The following FHL5 variants were observed in gnomAD, a reference collection of about 807,000 sequenced individuals.
FHL5 encodes four and a half LIM domains protein 5.
Under a neutral mutation model 32.0 loss-of-function variants are expected in FHL5, and 33 were observed. The ratio of observed to expected loss-of-function variants is 1.03; its 90% CI spans 0.78 to 1.38. FHL5 has a LOEUF of 1.38. Ranked by LOEUF, FHL5 falls within the 40% of genes most tolerant of loss-of-function variation. The pLI is 0.00. For missense variants in FHL5, 336 were observed against 343.9 expected (o/e 0.98, Z 0.18); for synonymous variants, 114 against 113.6 (o/e 1.00, Z -0.02).
At chr6:96,612,969 G>A (rs1771443036) in intron 5 of FHL5, among the ~76,000 whole-genome samples, 1 of 151,990 alleles carries the variant, frequency 6.6e-6, no homozygotes, top group African/African-American at 2.4e-5. Flanking sequence ...TTAAAAGCTA[G>A]GTATTCTTGG....
chr6:96,594,247 A>T (rs1235969960), intron 1 of FHL5, among the ~76,000 whole-genome samples: 1 of 112,018 alleles, frequency 8.9e-6, no homozygotes, highest in Non-Finnish European at 2.0e-5. Flanking sequence ...ATATATATAT[A>T]TATATATATA....
At chr6:96,565,581 G>T (rs966632729) in intron 1 of FHL5, among the ~76,000 whole-genome samples, 5 of 152,040 alleles carry the variant, frequency 3.3e-5, no homozygotes, top group Admixed American at 6.6e-5. Context: ...TTTGCCAAAG[G>T]AATACTCACC....
Position 96,615,827 on chromosome 6 carries a change from G to C in FHL5, c.*55G>C, listed in dbSNP as rs1271716773. On this transcript the variant is annotated 3_prime_UTR_variant, in exon 6 of 6. Transcript: ENST00000450218. The stretch of plus-strand genomic sequence containing the variant: ...TTTGCCTTCGTTGTCACTAAAGCCA[G>C]AACTCAGTTGCGGTCTTATTTTTGA... 2.1e-6 allele frequency: 3 copies of C among 1,409,684 alleles called. No homozygotes were observed. Among genetic ancestry groups the C allele is most frequent in the Non-Finnish European group, 9.6e-7 (1 of 1,041,918 alleles). 87.3% of individuals were successfully genotyped at this position (1,409,684 alleles called of 1,614,324 possible).
chr6:96,609,308 C>T (rs1034647720), intron 4 of FHL5, among the ~76,000 whole-genome samples: 6 of 152,130 alleles, frequency 3.9e-5, no homozygotes, highest in Admixed American at 2.0e-4. Flanking sequence ...TAGGAACCAC[C>T]TCAGATACCC....
At chr6:96,580,947 A>G (rs1770684452) in intron 1 of FHL5, among the ~76,000 whole-genome samples, 1 of 152,188 alleles carries the variant, frequency 6.6e-6, no homozygotes, top group South Asian at 2.1e-4. Context: ...ACAGCTTCCA[A>G]TACTATCCAT....
chr6:96,603,209 C>T (rs1771193629), intron 1 of FHL5, among the ~76,000 whole-genome samples: 1 of 152,130 alleles, frequency 6.6e-6, no homozygotes, highest in Non-Finnish European at 1.5e-5. Flanking sequence ...TAGAATTTTC[C>T]AGCAAGAAAG....
At chr6:96,594,211 C>A (rs1770980350) in intron 1 of FHL5, among the ~76,000 whole-genome samples, 1 of 118,206 alleles carries the variant, frequency 8.5e-6, no homozygotes. Flanking sequence ...GAAAAGGATC[C>A]AATAAATATT....
intron 3 of FHL5, among the ~76,000 whole-genome samples, chr6:96,605,464 T>C (rs1771256320): frequency 6.6e-6 from 1 of 152,238 alleles, no homozygotes; most frequent in Non-Finnish European, 1.5e-5. Flanking sequence ...TCTGCCACTC[T>C]TGCTCTCTCA....
At chr6:96,607,866 C>T (rs1280830657) in intron 4 of FHL5, among the ~76,000 whole-genome samples, 2 of 151,918 alleles carry the variant, frequency 1.3e-5, no homozygotes, top group African/African-American at 4.8e-5. Context: ...GTGACACGTG[C>T]CTGTAGTCCC....
At chr6:96,602,965 T>A (rs1333742223) in intron 1 of FHL5, among the ~76,000 whole-genome samples, 2 of 152,110 alleles carry the variant, frequency 1.3e-5, no homozygotes, top group African/African-American at 4.8e-5. Flanking sequence ...AATGAAGATA[T>A]CTAAAGCTAG....
Position 96,603,612 on chromosome 6 carries a change from A to G in FHL5, c.-2A>G. The G allele has an allele frequency of 1.2e-6, 2 of 1,609,160 alleles. No individual in the cohort carries two copies. The highest frequency in any genetic ancestry group is 4.5e-5 in the East Asian group (2 of 44,674). ...CTTTGTCATTCATAGGATCAAACCA[A>G]AATGACAACTGCTCACTTTTACTGT... On this transcript the variant is annotated 5_prime_UTR_variant, in exon 2 of 6. Coordinates refer to ENST00000450218, the MANE Select transcript of FHL5 (RefSeq NM_001322466.2).
Position 96,596,908 on chromosome 6 carries a change from G to A in FHL5, c.-12-6694G>A, listed in dbSNP as rs17056746. On this transcript the variant is annotated intron_variant, in intron 1 of 5. Coordinates refer to ENST00000450218, the MANE Select transcript of FHL5 (RefSeq NM_001322466.2). ...TGGCATACTAATTCTACCAGGAACC[G>A]TATATGAAATTTCAGAATGACTCTC... Among the ~76,000 whole-genome samples, 1,401 of 152,038 alleles carry A rather than the reference G, an allele frequency of 9.2e-3. 21 individuals carry two copies. The highest frequency in any genetic ancestry group is 0.032 in the African/African-American group (1,336 of 41,490).
In FHL5 at chr6:96,604,878, C is replaced by T. The variant is rs2064947; in HGVS notation, c.288C>T (p.Asn96=). The T allele has an allele frequency of 0.18, 289,341 of 1,612,332 alleles. 26,935 individuals carry two copies. Among genetic ancestry groups the T allele is most frequent in the Middle Eastern group, 0.22 (1,361 of 6,056 alleles). Residue 96 remains asparagine, a synonymous_variant, in exon 3 of 6, where the codon AAC becomes AAT. Coordinates refer to ENST00000450218, the MANE Select transcript of FHL5 (RefSeq NM_001322466.2). ...TGCTGTGCACGGAGTGCTATTCTAA[C>T]GAGTGCTCCTCCAAGTGCTTCCACT... ...ERLLCTECYS[N]ECSSKCFHCK...
chr6:96,596,401 A>C (rs1771034907), intron 1 of FHL5, among the ~76,000 whole-genome samples: 1 of 152,084 alleles, frequency 6.6e-6, no homozygotes, highest in South Asian at 2.1e-4. Flanking sequence ...TTAACTCTGA[A>C]ATCTGACATC....
At chr6:96,608,616 G>C (rs1771333837) in intron 4 of FHL5, among the ~76,000 whole-genome samples, 1 of 152,160 alleles carries the variant, frequency 6.6e-6, no homozygotes, top group Non-Finnish European at 1.5e-5. Context: ...TAAACTACAA[G>C]TGCTTCAAAT....
chr6:96,592,226 A>C lies in FHL5; in HGVS notation c.-12-11376A>C, dbSNP rs1196718002. Among the ~76,000 whole-genome samples, 13 of 152,258 alleles carry C rather than the reference A, an allele frequency of 8.5e-5. No homozygotes were observed. The East Asian group carries it at 2.5e-3, about 30-fold the overall frequency. On this transcript the variant is annotated intron_variant, in intron 1 of 5. Transcript: ENST00000450218. Reference sequence around the variant, plus strand: ...TCATCCCTACAGTCTTGACCATAGAAGATGGCCACACCCAAGGGGGCCATT... The same window carrying C: ...TCATCCCTACAGTCTTGACCATAGACGATGGCCACACCCAAGGGGGCCATT...
At chr6:96,613,570 G>T (rs763188153) in intron 5 of FHL5, among the ~76,000 whole-genome samples, 14 of 152,192 alleles carry the variant, frequency 9.2e-5, no homozygotes, top group Non-Finnish European at 1.8e-4. Context: ...GAGCAGGTTG[G>T]CTTTCTTCCA....
Position 96,599,186 on chromosome 6 carries a change from T to TA in FHL5, c.-12-4415dup, listed in dbSNP as rs1235980957. 6.0e-5 allele frequency among the ~76,000 whole-genome samples: 9 copies of TA among 149,186 alleles called. No homozygotes were observed. In the East Asian group the frequency reaches 8.0e-4, roughly 13 times the overall value. On this transcript the variant is annotated intron_variant, in intron 1 of 5. Coordinates refer to ENST00000450218, the MANE Select transcript of FHL5 (RefSeq NM_001322466.2). Reference sequence around the variant, plus strand: ...CTACAGAAACTATTACCAGTGAACTTACATCTTTTTTTTTTTTTTTTTTTT... The same window carrying TA: ...CTACAGAAACTATTACCAGTGAACTTAACATCTTTTTTTTTTTTTTTTTTTT...
intron 4 of FHL5, among the ~76,000 whole-genome samples, chr6:96,609,900 G>T (rs2127974775): frequency 6.6e-6 from 1 of 152,306 alleles, no homozygotes; most frequent in South Asian, 2.1e-4. Flanking sequence ...ATAATAGTCT[G>T]TAGTATGTAG....
Sources: allele counts gnomAD v4.1 joint callset (sites outside exome capture counted in the v4.1 genomes callset), GRCh38; gene constraint gnomAD v4.1.1; transcripts MANE v1.5; gene names NCBI Gene and HGNC (gene_info 2026-07-23, HGNC 2026-07-21).